The following TMEM132A variants were observed in gnomAD, a reference collection of about 807,000 sequenced individuals.
TMEM132A encodes the protein transmembrane protein 132A, also known as GRP78-binding protein.
In TMEM132A, 48 loss-of-function variants were observed where a neutral mutation model predicts 69.9. That is an observed-to-expected ratio of 0.69 (90% CI 0.55 to 0.87). TMEM132A has a LOEUF of 0.87. Among genes scored for constraint, TMEM132A ranks in the 40% least tolerant of loss-of-function variants. TMEM132A has a pLI of 0.00. For synonymous variants in TMEM132A, 577 were observed against 613.7 expected, an observed-to-expected ratio of 0.94 and a Z score of 0.88; for missense variants, 1,287 against 1,407.2, an observed-to-expected ratio of 0.91 and a Z score of 1.37.
intron 5 of TMEM132A, 73 bp from the exon 6 acceptor site, chr11:60,931,616 G>T: frequency 7.0e-7 from 1 of 1,437,090 alleles, no homozygotes; most frequent in Non-Finnish European, 9.5e-7. Context: ...GGATAATCAT[G>T]AATGCAGGAA....
Position 60,933,537 on chromosome 11 carries a change from C to T in TMEM132A, c.1357-5C>T, listed in dbSNP as rs1346159003. The T allele has an allele frequency of 6.2e-7, 1 of 1,605,406 alleles. No individual in the cohort carries two copies. The highest frequency in any genetic ancestry group is 8.5e-7 in the Non-Finnish European group (1 of 1,178,166). ...CCCGCCCACCTGCCCTCTGCCCTTC[C>T]ATAGGTGTCTGAGGCCTGTGATGCC... On this transcript the variant is annotated splice_polypyrimidine_tract_variant and splice_region_variant and intron_variant, in intron 7 of 10. Coordinates refer to ENST00000453848, the MANE Select transcript of TMEM132A (RefSeq NM_178031.3).
chr11:60,935,364 C>A lies in TMEM132A; in HGVS notation c.1949C>A (p.Thr650Asn). The change falls in exon 10 of 11, where the codon ACC becomes AAC. Residue 650 changes from threonine to asparagine, a missense_variant. Physicochemically the swap from Thr to Asn is moderately conservative, Grantham distance 65. Coordinates refer to ENST00000453848, the MANE Select transcript of TMEM132A (RefSeq NM_178031.3). The surrounding 1 kb of genome is among the most constrained non-coding windows in gnomAD (Gnocchi z 5.0). ...CAGCCAGTGATGGGCATCTCGCTGA[C>A]CTTGAGCCGGGGCACTGCCCACCCC... ...RVQPVMGISL[T>N]LSRGTAHPGE... 1 of 1,612,854 alleles carries A rather than the reference C, an allele frequency of 6.2e-7. No individual in the cohort carries two copies. The highest frequency in any genetic ancestry group is 8.5e-7 in the Non-Finnish European group (1 of 1,179,696).
chr11:60,928,516 G>A (rs1856399593), intron 3 of TMEM132A, 113 bp from the exon 4 acceptor site: 2 of 1,019,062 alleles, frequency 2.0e-6, no homozygotes, highest in East Asian at 2.4e-5. Context: ...CCCATGCTGG[G>A]CCTCCCTTTC....
chr11:60,924,659 C>T lies in TMEM132A; in HGVS notation c.26C>T (p.Thr9Ile). The T allele has an allele frequency of 6.3e-7, 1 of 1,594,774 alleles. No homozygotes were observed. Among genetic ancestry groups the T allele is most frequent in the Non-Finnish European group, 8.5e-7 (1 of 1,176,664 alleles). Residue 9 changes from threonine to isoleucine, a missense_variant, in exon 1 of 11, where the codon ACA becomes ATA. Physicochemically the swap from Thr to Ile is moderately conservative, Grantham distance 89. Coordinates refer to ENST00000453848, the MANE Select transcript of TMEM132A (RefSeq NM_178031.3). MCARMAGR[T>I]TAAPRGPYGP... ...ATGTGCGCGCGGATGGCCGGTCGCACAACAGCGGCCCCTCGGGGGCCCTAC... is the reference window on the plus strand; with the variant it reads ...ATGTGCGCGCGGATGGCCGGTCGCATAACAGCGGCCCCTCGGGGGCCCTAC...
chr11:60,924,503 GCGGCGGCGGCGGCGGCGGCGGC>G lies in TMEM132A; in HGVS notation c.-127_-106del. 2.4e-6 allele frequency: 1 copy of G among 413,878 alleles called. No individual in the cohort carries two copies. The highest frequency in any genetic ancestry group is 3.9e-6 in the Non-Finnish European group (1 of 257,014). 25.6% of individuals were successfully genotyped at this position (413,878 alleles called of 1,614,324 possible). On this transcript the variant is annotated 5_prime_UTR_variant, in exon 1 of 11. Coordinates refer to ENST00000453848, the MANE Select transcript of TMEM132A (RefSeq NM_178031.3). ...TCTGGGAATTGCAGCCGCGGGGCGG[GCGGCGGCGGCGGCGGCGGCGGC>G]CGGGACCCAGCGGGCCAGGTGGGGA...
Position 60,934,526 on chromosome 11 carries a change from A to C in TMEM132A, c.1598A>C (p.Glu533Ala). The change falls in exon 9 of 11, where the codon GAG becomes GCG. Residue 533 changes from glutamate to alanine, a missense_variant. Physicochemically the swap from Glu to Ala is moderately radical, Grantham distance 107. Coordinates refer to ENST00000453848, the MANE Select transcript of TMEM132A (RefSeq NM_178031.3). ...GCTGCAGAGGCGTCGGATGAGGCCG[A>C]GCGGCGCGCCCGTGGCTGCCACCTG... is the stretch of plus-strand genomic sequence containing the variant. ...EPAAEASDEA[E>A]RRARGCHLQY... 1 of 1,453,318 alleles carries C rather than the reference A, an allele frequency of 6.9e-7. No individual in the cohort carries two copies. Among genetic ancestry groups the C allele is most frequent in the Non-Finnish European group, 9.0e-7 (1 of 1,112,780 alleles). 90.0% of individuals were successfully genotyped at this position (1,453,318 alleles called of 1,614,324 possible).
chr11:60,933,599 G>C lies in TMEM132A; in HGVS notation c.1414G>C (p.Gly472Arg). 6.2e-7 allele frequency: 1 copy of C among 1,607,340 alleles called. No homozygotes were observed. The highest frequency in any genetic ancestry group is 1.1e-5 in the South Asian group (1 of 90,890). ...VAGKESRGAR[G>R]VRVDFWWRRL... ...TGGCAAGGAGAGCCGGGGCGCCCGG[G>C]GGGTGCGAGTGGACTTCTGGTGGCG... The change falls in exon 8 of 11, where the codon GGG becomes CGG. Residue 472 changes from glycine (G) to arginine (R), a missense_variant. By Grantham distance (125) the Gly-to-Arg change is moderately radical (BLOSUM62 -2). Transcript: ENST00000453848.
intron 9 of TMEM132A, 108 bp downstream of exon 9, chr11:60,934,872 G>A (rs908127137): frequency 2.4e-6 from 3 of 1,244,166 alleles, no homozygotes; most frequent in Non-Finnish European, 3.3e-6. Context: ...GAGTGTGTGG[G>A]GGAGTTGTGC....
Position 60,935,536 on chromosome 11 carries a change from A to G in TMEM132A, c.2028+93A>G, listed in dbSNP as rs1856574674. 7.4e-7 allele frequency: 1 copy of G among 1,344,372 alleles called. No homozygotes were observed. The highest frequency in any genetic ancestry group is 2.5e-5 in the East Asian group (1 of 39,794). 83.3% of individuals were successfully genotyped at this position (1,344,372 alleles called of 1,614,324 possible). On this transcript the variant is annotated intron_variant, in intron 10 of 10. Transcript: ENST00000453848. The surrounding 1 kb of genome is among the most constrained non-coding windows in gnomAD (Gnocchi z 5.0). ...GGGAGGAAGGGACCCTGGTACCTCG[A>G]CCCCTTAGGGTTTTCAGAGTGAGGA...
rs559735404 is a variant in TMEM132A at position 60,924,577 on chromosome 11, C to G, written c.-57C>G. The G allele has an allele frequency of 6.6e-5, 93 of 1,406,282 alleles. 1 individual carries two copies. The African/African-American group carries it at 7.4e-4, about 11-fold the overall frequency. 87.1% of individuals were successfully genotyped at this position (1,406,282 alleles called of 1,614,324 possible). ...GGCGCGGAGCGGGTGCGGGAGATGC[C>G]GTGCGGGACTGGGGCCACCTGAGCC... On this transcript the variant is annotated 5_prime_UTR_variant, in exon 1 of 11. Transcript: ENST00000453848.
rs2469887 is a variant in TMEM132A, at chr11:60,936,741, C to T, written c.2906C>T (p.Ala969Val). 0.42 allele frequency: 679,449 copies of T among 1,599,908 alleles called. 145,282 individuals are homozygous for T. Among genetic ancestry groups the T allele is most frequent in the Middle Eastern group, 0.48 (2,657 of 5,590 alleles). Residue 969 changes from alanine (A) to valine (V), a missense_variant, in exon 11 of 11, where the codon GCG becomes GTG. Ala to Val is a moderately conservative substitution (Grantham distance 64). Coordinates refer to ENST00000453848, the MANE Select transcript of TMEM132A (RefSeq NM_178031.3). ...AAGCGAGTAGAGTTTGTGACATTTGCGCCAGCCCCTCCAGCCCAGTCACCT... is the reference window on the plus strand; with the variant it reads ...AAGCGAGTAGAGTTTGTGACATTTGTGCCAGCCCCTCCAGCCCAGTCACCT... Reference protein sequence around the residue: ...RRKRVEFVTFAPAPPAQSPEE... With the variant: ...RRKRVEFVTFVPAPPAQSPEE...
chr11:60,932,079 G>T lies in TMEM132A; in HGVS notation c.1308G>T (p.Glu436Asp). Reference protein sequence around the residue: ...VTVDGGGALVEVTEHVGCESA... With the variant: ...VTVDGGGALVDVTEHVGCESA... ...TGGACGGCGGGGGGGCCTTGGTGGAGGTGACAGAGCATGTCGGCTGCGAGT... is the reference window on the plus strand; with the variant it reads ...TGGACGGCGGGGGGGCCTTGGTGGATGTGACAGAGCATGTCGGCTGCGAGT... Residue 436 changes from glutamate (E) to aspartate (D), a missense_variant, in exon 7 of 11, where the codon GAG (glutamate) becomes GAT (aspartate). Physicochemically the swap from Glu to Asp is conservative, Grantham distance 45. Transcript: ENST00000453848. The T allele has an allele frequency of 6.3e-7, 1 of 1,578,996 alleles. No individual in the cohort carries two copies.
At position 60,935,835 on chromosome 11, in the gene TMEM132A, G is replaced by A. The variant is rs1856581703; in HGVS notation, c.2029-29G>A. 3.1e-6 allele frequency: 5 copies of A among 1,608,068 alleles called. No homozygotes were observed. The South Asian group carries it at 3.3e-5, about 11-fold the overall frequency. On this transcript the variant is annotated intron_variant, in intron 10 of 10. Coordinates refer to ENST00000453848, the MANE Select transcript of TMEM132A (RefSeq NM_178031.3). The surrounding 1 kb of genome is among the most constrained non-coding windows in gnomAD (Gnocchi z 5.0). ...TGTGCATGCGTGCGTGCCCTCGCAT[G>A]TCTCTGCCTGTGTCTGTGTGCCCCA...
intron 4 of TMEM132A, 43 bp downstream of exon 4, chr11:60,929,003 G>C: frequency 6.3e-7 from 1 of 1,598,850 alleles, no homozygotes; most frequent in Non-Finnish European, 8.5e-7. Flanking sequence ...GGGAACCTCT[G>C]TGGGAAGACT....
chr11:60,927,170 G>A (rs1460594278), intron 1 of TMEM132A, 34 bp from the exon 2 acceptor site: 4 of 1,587,208 alleles, frequency 2.5e-6, no homozygotes, highest in African/African-American at 1.3e-5. Context: ...CAGCTCTGGA[G>A]CTGTCATCAT....
In TMEM132A at chr11:60,934,847, T is replaced by C. The variant is rs910679415; in HGVS notation, c.1836+83T>C. On this transcript the variant is annotated intron_variant, in intron 9 of 10. Transcript: ENST00000453848. ...AATGTTCGTGGGTGGGAGTGAAGAGTGTGCCAGGAGCCCAGAGTGTGTGGG... is the reference window on the plus strand; with the variant it reads ...AATGTTCGTGGGTGGGAGTGAAGAGCGTGCCAGGAGCCCAGAGTGTGTGGG... The C allele has an allele frequency of 2.1e-6, 3 of 1,407,460 alleles. No homozygotes were observed. In the South Asian group the frequency reaches 4.1e-5, roughly 19 times the overall value. The allele number at this position is 1,407,460 out of a possible 1,614,324, so 87.2% of individuals were successfully genotyped here.
rs751283839 is a variant in TMEM132A, at chr11:60,933,583, G to A, written c.1398G>A (p.Glu466=). The A allele has an allele frequency of 3.1e-6, 5 of 1,607,732 alleles. No individual in the cohort carries two copies. The highest frequency in any genetic ancestry group is 1.1e-5 in the South Asian group (1 of 90,884). Residue 466 remains glutamate, a synonymous_variant, in exon 8 of 11, where the codon GAG becomes GAA. Coordinates refer to ENST00000453848, the MANE Select transcript of TMEM132A (RefSeq NM_178031.3). ...ACDAVFVAGK[E]SRGARGVRVD... ...ATGCCGTGTTCGTGGCTGGCAAGGAGAGCCGGGGCGCCCGGGGGGTGCGAG... is the reference window on the plus strand; with the variant it reads ...ATGCCGTGTTCGTGGCTGGCAAGGAAAGCCGGGGCGCCCGGGGGGTGCGAG...
chr11:60,937,107 T>G lies in TMEM132A; in HGVS notation c.*200T>G. ...GGTCGTGAGGAAGGGCTCATGCCCCTTATTTATGGGAACCATTTCATTCTA... is the reference window on the plus strand; with the variant it reads ...GGTCGTGAGGAAGGGCTCATGCCCCGTATTTATGGGAACCATTTCATTCTA... On this transcript the variant is annotated 3_prime_UTR_variant, in exon 11 of 11. Transcript: ENST00000453848. 6.8e-7 allele frequency: 1 copy of G among 1,475,404 alleles called. No individual in the cohort carries two copies. Among genetic ancestry groups the G allele is most frequent in the Non-Finnish European group, 9.0e-7 (1 of 1,105,188 alleles). 91.4% of individuals were successfully genotyped at this position (1,475,404 alleles called of 1,614,324 possible). A position where few individuals can be genotyped will look rare whatever the true frequency, so the allele number is the denominator to read the frequency against.
chr11:60,934,431 TG>T, intron 8 of TMEM132A, 56 bp from the exon 9 acceptor site: 1 of 1,308,148 alleles, frequency 7.6e-7, no homozygotes, highest in Non-Finnish European at 9.7e-7. Context: ...AGCTGGGCCC[TG>T]GGCAGGCTGG....
Sources: allele counts gnomAD v4.1 joint callset, GRCh38; gene constraint gnomAD v4.1.1; non-coding constraint Gnocchi (gnomAD v3.1); transcripts MANE v1.5; gene names NCBI Gene and HGNC (gene_info 2026-07-23, HGNC 2026-07-21).